The following SAE1 variants were observed in gnomAD, a reference collection of about 807,000 sequenced individuals.
SAE1 encodes the protein SUMO-activating enzyme subunit 1.
Under a neutral mutation model 40.6 loss-of-function variants are expected in SAE1, and 11 were observed. That is an observed-to-expected ratio of 0.27 (90% CI 0.17 to 0.45). The LOEUF (loss-of-function observed/expected upper bound fraction) is 0.45. Ranked by LOEUF, SAE1 falls within the 20% of genes least tolerant of loss-of-function variation. The pLI is 1.00. For missense variants in SAE1, 373 were observed against 427.3 expected, an observed-to-expected ratio of 0.87 and a Z score of 1.12; for synonymous variants, 155 against 154.3, an observed-to-expected ratio of 1.00 and a Z score of -0.03.
chr19:47,180,756 G>A (rs917611288), intron 6 of SAE1, among the ~76,000 whole-genome samples: 3 of 152,174 alleles, frequency 2.0e-5, no homozygotes, highest in Non-Finnish European at 2.9e-5. Context: ...GCAGGAGGTC[G>A]AAGCTGCAGT....
In SAE1 at chr19:47,209,387, AAGG is replaced by A. The variant is rs1393181228; in HGVS notation, c.*140_*142del. ...CCGATACAAAACATTTCCTGCAACGAAGGAGGTGGTGCCGACGTGCTGCTTCCC... is the reference window on the plus strand; with the variant it reads ...CCGATACAAAACATTTCCTGCAACGAAGGTGGTGCCGACGTGCTGCTTCCC... On this transcript the variant is annotated 3_prime_UTR_variant, in exon 9 of 9. Coordinates refer to ENST00000270225, the MANE Select transcript of SAE1 (RefSeq NM_005500.3). 44 of 1,476,004 alleles carry A rather than the reference AAGG, an allele frequency of 3.0e-5. No homozygotes were observed. The highest frequency in any genetic ancestry group is 4.0e-5 in the Non-Finnish European group (43 of 1,084,504). 91.4% of individuals were successfully genotyped at this position (1,476,004 alleles called of 1,614,324 possible).
Position 47,169,824 on chromosome 19 carries a change from GTCT to G in SAE1, c.638_640del (p.Phe213del). 1 of 1,612,498 alleles carries G rather than the reference GTCT, an allele frequency of 6.2e-7. No individual in the cohort carries two copies. The highest frequency in any genetic ancestry group is 8.5e-7 in the Non-Finnish European group (1 of 1,178,554). Reference sequence around the variant, plus strand: ...TTCTGCCTTTTTTCCACAGAAGGTGGTCTTCTGCCCTGTTAAAGAAGCCCTGGA... The same window carrying G: ...TTCTGCCTTTTTTCCACAGAAGGTGGTCTGCCCTGTTAAAGAAGCCCTGGA... On this transcript the variant is annotated inframe_deletion, in exon 6 of 9. Transcript: ENST00000270225.
At chr19:47,156,409 G>A (rs913365094) in intron 5 of SAE1, among the ~76,000 whole-genome samples, 2 of 151,922 alleles carry the variant, frequency 1.3e-5, no homozygotes, top group African/African-American at 4.8e-5. Context: ...AACTGGGGAG[G>A]CGGATGTTGC....
chr19:47,141,859 G>A (rs2058224146), intron 1 of SAE1, among the ~76,000 whole-genome samples: 2 of 152,132 alleles, frequency 1.3e-5, no homozygotes, highest in African/African-American at 4.8e-5. Context: ...TTGGTTACAT[G>A]ATGCAGCCCA....
intron 1 of SAE1, among the ~76,000 whole-genome samples, chr19:47,137,430 T>G (rs987115488): frequency 5.3e-5 from 8 of 152,072 alleles, no homozygotes; most frequent in African/African-American, 1.9e-4. Flanking sequence ...AGAAGCAGCT[T>G]CCTAGAGCAG....
intron 1 of SAE1, among the ~76,000 whole-genome samples, chr19:47,137,272 C>T (rs1414212493): frequency 1.3e-5 from 2 of 151,984 alleles, no homozygotes; most frequent in Non-Finnish European, 2.9e-5. Flanking sequence ...CTTGTAATCC[C>T]AACTACTTGG....
chr19:47,174,172 A>G (rs1434747914), intron 6 of SAE1, among the ~76,000 whole-genome samples: 1 of 151,672 alleles, frequency 6.6e-6, no homozygotes, highest in Non-Finnish European at 1.5e-5. Context: ...ATATCCTATC[A>G]TGTTTACCAC....
intron 2 of SAE1, among the ~76,000 whole-genome samples, chr19:47,147,912 C>G (rs1287250552): frequency 6.6e-6 from 1 of 151,908 alleles, no homozygotes; most frequent in East Asian, 1.9e-4. Context: ...GCGCCCACCA[C>G]CACGCCTGGC....
intron 6 of SAE1, among the ~76,000 whole-genome samples, chr19:47,195,959 C>G (rs534443468): frequency 1.3e-5 from 2 of 150,658 alleles, no homozygotes; most frequent in South Asian, 4.2e-4. Context: ...ATCTCAAACT[C>G]CTGGGCTCAA....
chr19:47,137,798 G>A (rs2058191446), intron 1 of SAE1, among the ~76,000 whole-genome samples: 1 of 139,974 alleles, frequency 7.1e-6, no homozygotes, highest in Non-Finnish European at 1.5e-5. Flanking sequence ...GCACAATCTT[G>A]GCTCACTGCA....
chr19:47,145,098 G>A (rs943505214), intron 2 of SAE1, among the ~76,000 whole-genome samples: 3 of 152,052 alleles, frequency 2.0e-5, no homozygotes, highest in Non-Finnish European at 4.4e-5. Context: ...TGCCTCCCAG[G>A]TTCAAGCAAT....
At chr19:47,178,678 G>A (rs1391926984) in intron 6 of SAE1, among the ~76,000 whole-genome samples, 1 of 152,118 alleles carries the variant, frequency 6.6e-6, no homozygotes, top group Non-Finnish European at 1.5e-5. Flanking sequence ...TCGCCATGTT[G>A]GCCAGGCTGG....
chr19:47,162,787 TTG>T (rs1038786369), intron 5 of SAE1, among the ~76,000 whole-genome samples: 1 of 152,090 alleles, frequency 6.6e-6, no homozygotes, highest in Admixed American at 6.6e-5. Context: ...GCCCAGGAGT[TTG>T]AGACCAGCCT....
At chr19:47,149,458 A>C (rs1319832411) in intron 2 of SAE1, among the ~76,000 whole-genome samples, 4 of 152,108 alleles carry the variant, frequency 2.6e-5, no homozygotes, top group Non-Finnish European at 2.9e-5. Flanking sequence ...GGTGTGAGCC[A>C]CCGTGCCCTG....
chr19:47,192,091 T>C (rs934572077), intron 6 of SAE1, among the ~76,000 whole-genome samples: 3 of 151,328 alleles, frequency 2.0e-5, no homozygotes, highest in Non-Finnish European at 4.4e-5. Flanking sequence ...AAAGAAAATA[T>C]AGCTTTGGGA....
At chr19:47,143,926 C>A (rs969760172) in intron 2 of SAE1, among the ~76,000 whole-genome samples, 1 of 152,114 alleles carries the variant, frequency 6.6e-6, no homozygotes, top group Admixed American at 6.6e-5. Context: ...CTAAAAATGA[C>A]CTGAGTGACT....
At chr19:47,204,267 A>G (rs1411192709) in intron 8 of SAE1, among the ~76,000 whole-genome samples, 1 of 135,362 alleles carries the variant, frequency 7.4e-6, no homozygotes, top group Non-Finnish European at 1.5e-5. Context: ...GCACGATCTC[A>G]GATCACTGCA....
chr19:47,207,757 C>T (rs1461084222), intron 8 of SAE1, among the ~76,000 whole-genome samples: 8 of 152,000 alleles, frequency 5.3e-5, no homozygotes, highest in African/African-American at 1.9e-4. Flanking sequence ...ACCTCAGCTT[C>T]CTGAGGCACT....
chr19:47,177,259 T>G (rs988248236), intron 6 of SAE1, among the ~76,000 whole-genome samples: 1 of 152,236 alleles, frequency 6.6e-6, no homozygotes, highest in African/African-American at 2.4e-5. Context: ...AGAATAAGTG[T>G]TCTTGCCAAT....
Sources: allele counts gnomAD v4.1 joint callset (sites outside exome capture counted in the v4.1 genomes callset), GRCh38; gene constraint gnomAD v4.1.1; transcripts MANE v1.5; gene names NCBI Gene and HGNC (gene_info 2026-07-23, HGNC 2026-07-21).